The following PCNX1 variants were observed in gnomAD, a reference collection of about 807,000 sequenced individuals.
PCNX1 encodes the protein pecanex 1.
In PCNX1, 78 loss-of-function variants were observed where a neutral mutation model predicts 242.2. That is an observed-to-expected ratio of 0.32 (90% CI 0.27 to 0.39). The LOEUF (loss-of-function observed/expected upper bound fraction) is 0.39, where lower values mean the gene tolerates loss of function less well. Ranked by LOEUF, PCNX1 falls within the 10% of genes least tolerant of loss-of-function variation. The pLI is 1.00. For synonymous variants in PCNX1, 1,024 were observed against 1,032.9 expected (o/e 0.99, Z 0.17); for missense variants, 2,581 against 2,856.5 (o/e 0.90, Z 2.20).
chr14:70,919,949 C>T (rs2056314851), intron 1 of PCNX1, among the ~76,000 whole-genome samples: 1 of 151,846 alleles, frequency 6.6e-6, no homozygotes, highest in Non-Finnish European at 1.5e-5. Flanking sequence ...TTGAACGAGC[C>T]AAATAGAACC....
intron 18 of PCNX1, 119 bp downstream of exon 18, chr14:71,034,155 T>G: frequency 1.7e-6 from 1 of 600,254 alleles, no homozygotes; most frequent in Non-Finnish European, 3.0e-6. Flanking sequence ...AATTATAATT[T>G]ATAGGATTAG....
chr14:71,086,673 C>T (rs2061999288), intron 28 of PCNX1, among the ~76,000 whole-genome samples: 1 of 152,196 alleles, frequency 6.6e-6, no homozygotes, highest in Non-Finnish European at 1.5e-5. Flanking sequence ...TGCGTGTGTG[C>T]TGTTGCCGTA....
intron 13 of PCNX1, among the ~76,000 whole-genome samples, chr14:71,025,265 C>A (rs1205193537): frequency 6.6e-6 from 1 of 152,082 alleles, no homozygotes; most frequent in African/African-American, 2.4e-5. Flanking sequence ...CAAATTGTCC[C>A]TGATTTAGCC....
intron 2 of PCNX1, among the ~76,000 whole-genome samples, chr14:70,958,680 G>C (rs147884684): frequency 0.011 from 1,695 of 152,208 alleles, 14 homozygotes; most frequent in South Asian, 0.017. Flanking sequence ...CAGATATAGA[G>C]AAATTTCCTC....
At chr14:70,921,697 A>C (rs991417815) in intron 1 of PCNX1, among the ~76,000 whole-genome samples, 1 of 152,164 alleles carries the variant, frequency 6.6e-6, no homozygotes, top group Admixed American at 6.5e-5. Flanking sequence ...AAGATTTTCA[A>C]ATGTATAAGA....
At chr14:71,095,024 A>T (rs997066641) in intron 30 of PCNX1, among the ~76,000 whole-genome samples, 2 of 152,262 alleles carry the variant, frequency 1.3e-5, no homozygotes, top group Non-Finnish European at 2.9e-5. Context: ...TATGCATTAG[A>T]TCACCACGAC....
rs1247132981 is a variant in PCNX1, at chr14:70,953,583, A to G, written c.362+6460A>G. ...GCTTTCCTTAAAGTTTCTTATGATT[A>G]TCATATACTCTTAAATTTAGAACAA... On this transcript the variant is annotated intron_variant, in intron 2 of 35. Coordinates refer to ENST00000304743, the MANE Select transcript of PCNX1 (RefSeq NM_014982.3). Among the ~76,000 whole-genome samples, 3 of 149,598 alleles carry G rather than the reference A, an allele frequency of 2.0e-5. No individual in the cohort carries two copies. In the East Asian group the frequency reaches 5.8e-4, roughly 29 times the overall value.
intron 15 of PCNX1, 112 bp downstream of exon 15, chr14:71,026,994 G>GAA: frequency 2.0e-5 from 9 of 450,220 alleles, no homozygotes; most frequent in East Asian, 3.9e-5. Context: ...CTTGAAATTA[G>GAA]AAAAAAAAAA....
At chr14:70,939,607 T>C (rs2140238344) in intron 1 of PCNX1, among the ~76,000 whole-genome samples, 1 of 152,352 alleles carries the variant, frequency 6.6e-6, no homozygotes, top group South Asian at 2.1e-4. Flanking sequence ...ATGTATATTC[T>C]GTTGATTTGG....
intron 19 of PCNX1, among the ~76,000 whole-genome samples, chr14:71,039,252 A>G (rs1181742057): frequency 1.3e-5 from 2 of 152,064 alleles, no homozygotes; most frequent in African/African-American, 4.8e-5. Flanking sequence ...AACAAAAAAA[A>G]CCAAATACTT....
intron 11 of PCNX1, among the ~76,000 whole-genome samples, chr14:71,014,168 C>T (rs1376507090): frequency 6.6e-6 from 1 of 152,132 alleles, no homozygotes; most frequent in Non-Finnish European, 1.5e-5. Flanking sequence ...GTGTAGAATA[C>T]TCAGGAAGAT....
intron 13 of PCNX1, among the ~76,000 whole-genome samples, chr14:71,023,968 A>C (rs927018313): frequency 3.9e-5 from 6 of 152,146 alleles, no homozygotes; most frequent in African/African-American, 1.2e-4. Flanking sequence ...ACTGTTTTGT[A>C]AGAATATTTT....
intron 6 of PCNX1, among the ~76,000 whole-genome samples, chr14:70,982,813 G>T (rs369599503): frequency 4.2e-4 from 64 of 152,172 alleles, no homozygotes; most frequent in Admixed American, 8.5e-4. Context: ...GGAATCCAAC[G>T]GTTACATTTT....
At position 71,073,769 on chromosome 14, in the gene PCNX1, C is replaced by T. The variant is rs761510576; in HGVS notation, c.5077C>T (p.Arg1693Trp). The change falls in exon 27 of 36, where the codon CGG (arginine) becomes TGG (tryptophan). Residue 1693 changes from arginine (R) to tryptophan (W), a missense_variant. Physicochemically the swap from Arg to Trp is moderately radical, Grantham distance 101. Transcript: ENST00000304743. ...AASMLQVFDL[R>W]KVLTTYYVKG... ...TTCTATGCTTCAAGTCTTTGATCTT[C>T]GGAAAGTACTCACCACTTACTATGT... The T allele has an allele frequency of 4.4e-6, 7 of 1,609,176 alleles. No homozygotes were observed. Among genetic ancestry groups the T allele is most frequent in the Non-Finnish European group, 3.4e-6 (4 of 1,176,400 alleles).
chr14:70,963,578 AG>A (rs946923229), intron 3 of PCNX1, among the ~76,000 whole-genome samples: 3 of 152,230 alleles, frequency 2.0e-5, no homozygotes, highest in African/African-American at 7.2e-5. Context: ...AATCTTGAAC[AG>A]GGTCTTGTTT....
intron 15 of PCNX1, among the ~76,000 whole-genome samples, chr14:71,028,023 A>G (rs1484874328): frequency 6.6e-6 from 1 of 151,908 alleles, no homozygotes; most frequent in African/African-American, 2.4e-5. Context: ...TTATTATTAA[A>G]TTACTACTAA....
At chr14:70,972,766 A>G (rs977329840) in intron 5 of PCNX1, among the ~76,000 whole-genome samples, 1 of 152,134 alleles carries the variant, frequency 6.6e-6, no homozygotes, top group Admixed American at 6.5e-5. Context: ...TTTCACTTCT[A>G]AGATAATCTA....
intron 26 of PCNX1, among the ~76,000 whole-genome samples, chr14:71,069,879 A>G (rs1454667316): frequency 2.6e-5 from 4 of 152,182 alleles, no homozygotes; most frequent in Admixed American, 6.6e-5. Context: ...GAAGTTTGCT[A>G]CATTTATTGA....
chr14:70,951,980 A>G (rs1327033999), intron 2 of PCNX1, among the ~76,000 whole-genome samples: 5 of 152,270 alleles, frequency 3.3e-5, no homozygotes, highest in East Asian at 1.9e-4. Context: ...TACATTGTGG[A>G]TAAGTGGACA....
Sources: allele counts gnomAD v4.1 joint callset (sites outside exome capture counted in the v4.1 genomes callset), GRCh38; gene constraint gnomAD v4.1.1; transcripts MANE v1.5; gene names NCBI Gene and HGNC (gene_info 2026-07-23, HGNC 2026-07-21).